The following SGCZ variants were observed in gnomAD, a reference collection of about 807,000 sequenced individuals.
The protein encoded by SGCZ is sarcoglycan zeta, also known as zeta-sarcoglycan.
A neutral mutation model predicts 41.3 loss-of-function variants in SGCZ; 40 were observed. The ratio of observed to expected loss-of-function variants is 0.97; its 90% confidence interval spans 0.75 to 1.26. The LOEUF (loss-of-function observed/expected upper bound fraction) is 1.26. SGCZ is among the 50% of genes most tolerant of loss of function. The pLI, the probability that SGCZ is intolerant of heterozygous loss-of-function variation, is 0.00. For missense variants in SGCZ, 552 were observed against 369.8 expected (o/e 1.49, Z -4.04); for synonymous variants, 206 against 137.5 (o/e 1.50, Z -3.49).
At chr8:14,178,670 C>T (rs1219579473) in intron 4 of SGCZ, among the ~76,000 whole-genome samples, 4 of 152,218 alleles carry the variant, frequency 2.6e-5, no homozygotes, top group Admixed American at 1.3e-4. Context: ...CTTAGGTAAA[C>T]ACCTGATATT....
chr8:14,643,761 C>G (rs1187146597), intron 1 of SGCZ, among the ~76,000 whole-genome samples: 1 of 151,648 alleles, frequency 6.6e-6, no homozygotes, highest in East Asian at 1.9e-4. Flanking sequence ...ATATAGTATG[C>G]TTTCATTTGC....
chr8:14,278,133 GT>G (rs1800299351), intron 3 of SGCZ, among the ~76,000 whole-genome samples: 1 of 151,852 alleles, frequency 6.6e-6, no homozygotes, highest in Admixed American at 6.6e-5. Flanking sequence ...CTATTGTCTG[GT>G]TTGGCTAGCT....
intron 1 of SGCZ, among the ~76,000 whole-genome samples, chr8:14,654,969 C>G (rs1807515690): frequency 6.6e-6 from 1 of 151,986 alleles, no homozygotes; most frequent in South Asian, 2.1e-4. Flanking sequence ...CTGGCCCCAT[C>G]ATTACTTTTA....
intron 1 of SGCZ, among the ~76,000 whole-genome samples, chr8:14,711,435 C>CA (rs543412312): frequency 1.9e-3 from 191 of 102,958 alleles, no homozygotes; most frequent in East Asian, 7.2e-3. Flanking sequence ...ACTAAAAATA[C>CA]AAAAAAAAAA....
intron 7 of SGCZ, among the ~76,000 whole-genome samples, chr8:14,091,421 C>T (rs770042883): frequency 3.3e-5 from 5 of 151,980 alleles, no homozygotes. Context: ...CACTGTCTTC[C>T]ACAATGGTTT....
intron 5 of SGCZ, among the ~76,000 whole-genome samples, chr8:14,126,899 G>C (rs1802878342): frequency 1.3e-5 from 2 of 152,036 alleles, no homozygotes; most frequent in African/African-American, 4.8e-5. Context: ...AACACCACAT[G>C]TTCTCATTTA....
At chr8:14,550,471 C>T (rs1454215577) in intron 2 of SGCZ, among the ~76,000 whole-genome samples, 1 of 151,636 alleles carries the variant, frequency 6.6e-6, no homozygotes, top group Non-Finnish European at 1.5e-5. Context: ...GTAAAGTTTG[C>T]TTTTTCTTTT....
At chr8:14,460,162 C>T (rs1053651114) in intron 2 of SGCZ, among the ~76,000 whole-genome samples, 8 of 152,120 alleles carry the variant, frequency 5.3e-5, no homozygotes, top group African/African-American at 9.7e-5. Context: ...ATTCTCTTTG[C>T]TAACTTTGCA....
intron 1 of SGCZ, among the ~76,000 whole-genome samples, chr8:15,109,506 T>C (rs1050364782): frequency 6.6e-6 from 1 of 152,168 alleles, no homozygotes; most frequent in Non-Finnish European, 1.5e-5. Context: ...AGTTATTTAT[T>C]TGCAATGAGT....
intron 1 of SGCZ, among the ~76,000 whole-genome samples, chr8:14,732,591 C>G (rs993018667): frequency 1.6e-4 from 24 of 152,160 alleles, no homozygotes; most frequent in African/African-American, 5.3e-4. Flanking sequence ...GTGTAATCAG[C>G]AAAGCATGGA....
rs1031716467 is a variant in SGCZ at position 14,179,394 on chromosome 8, A to C, written c.425-14692T>G. Among the ~76,000 whole-genome samples, 5 of 152,262 alleles carry C rather than the reference A, an allele frequency of 3.3e-5. No individual in the cohort carries two copies. In the East Asian group the frequency reaches 9.7e-4, roughly 29 times the overall value. The stretch of plus-strand genomic sequence containing the variant: ...TTTTCTAGTATCCCTTTAGCAGAAG[A>C]TTCACAAGACCAGTTCGCCTTTGCT... On this transcript the variant is annotated intron_variant, in intron 4 of 7. Coordinates refer to ENST00000382080, the MANE Select transcript of SGCZ (RefSeq NM_139167.4).
intron 2 of SGCZ, among the ~76,000 whole-genome samples, chr8:14,480,326 T>G (rs1468696661): frequency 1.3e-5 from 2 of 152,188 alleles, no homozygotes; most frequent in Non-Finnish European, 2.9e-5. Flanking sequence ...CCTTGAAATA[T>G]TTTTTCTCTT....
At chr8:14,532,532 G>C (rs72607314) in intron 2 of SGCZ, among the ~76,000 whole-genome samples, 19,808 of 151,866 alleles carry the variant, frequency 0.13, 1,549 homozygotes, top group East Asian at 0.39. Context: ...GCAAGATAAA[G>C]AGAGCTAACT....
chr8:14,185,342 G>A (rs1010640793), intron 4 of SGCZ, among the ~76,000 whole-genome samples: 1 of 152,098 alleles, frequency 6.6e-6, no homozygotes, highest in African/African-American at 2.4e-5. Flanking sequence ...GGCGTAGGTT[G>A]CAGTGAGCCG....
chr8:14,279,256 T>C (rs1585313233), intron 3 of SGCZ, among the ~76,000 whole-genome samples: 2 of 152,036 alleles, frequency 1.3e-5, no homozygotes, highest in East Asian at 1.9e-4. Flanking sequence ...AAAAAATTCA[T>C]AAAACATAGC....
chr8:14,920,461 TTGGGA>T (rs1799557326), intron 1 of SGCZ, among the ~76,000 whole-genome samples: 2 of 151,944 alleles, frequency 1.3e-5, no homozygotes, highest in Non-Finnish European at 2.9e-5. Context: ...TTTAATGGAG[TTGGGA>T]TAATAAAAAC....
intron 1 of SGCZ, among the ~76,000 whole-genome samples, chr8:15,083,184 T>C (rs1805818303): frequency 6.6e-6 from 1 of 152,192 alleles, no homozygotes; most frequent in African/African-American, 2.4e-5. Flanking sequence ...CTAAGAGACC[T>C]ACAGATTATA....
At chr8:15,024,234 G>C (rs970559364) in intron 1 of SGCZ, among the ~76,000 whole-genome samples, 10 of 152,070 alleles carry the variant, frequency 6.6e-5, no homozygotes, top group East Asian at 1.9e-4. Flanking sequence ...TGGTGCTTTT[G>C]ATGTTGCTAA....
chr8:14,181,204 T>C (rs1563170711), intron 4 of SGCZ, among the ~76,000 whole-genome samples: 1 of 152,294 alleles, frequency 6.6e-6, no homozygotes, highest in East Asian at 1.9e-4. Context: ...TACCCGTGTT[T>C]TCAACCATAG....
Sources: gnomAD v4.1 joint callset for allele counts (sites outside exome capture counted in the v4.1 genomes callset) on GRCh38, gnomAD v4.1.1 for gene constraint, MANE v1.5 for transcripts, NCBI Gene and HGNC (gene_info 2026-07-23, HGNC 2026-07-21) for gene names.